Variants in PCIF1 observed in about 807,000 individuals in gnomAD.
The protein encoded by PCIF1 is mRNA (2'-O-methyladenosine-N(6)-)-methyltransferase.
In PCIF1, 12 loss-of-function variants were observed where a neutral mutation model predicts 86.9. The observed-to-expected ratio is 0.14, with a 90% CI of 0.09 to 0.22. The LOEUF is 0.22. Ranked by LOEUF, PCIF1 falls within the 10% of genes least tolerant of loss-of-function variation. The pLI is 1.00. For missense variants in PCIF1, 701 were observed against 951.1 expected (o/e 0.74, Z 3.46); for synonymous variants, 397 against 372.0 (o/e 1.07, Z -0.77).
Position 45,945,837 on chromosome 20 carries a change from A to G in PCIF1, c.1295A>G (p.Tyr432Cys), listed in dbSNP as rs775372767. 3.7e-6 allele frequency: 6 copies of G among 1,613,822 alleles called. No homozygotes were observed. The East Asian group carries it at 6.7e-5, about 18-fold the overall frequency. Residue 432 changes from tyrosine (Y) to cysteine (C), a missense_variant, in exon 12 of 17, where the codon TAT (tyrosine) becomes TGT (cysteine). By Grantham distance (194) the Tyr-to-Cys change is radical. Around this residue, in one of 7 missense-constraint regions of PCIF1, gnomAD observed 121 missense variants for 131.7 expected, o/e 0.92. Coordinates refer to ENST00000372409, the MANE Select transcript of PCIF1 (RefSeq NM_022104.4). The stretch of plus-strand genomic sequence containing the variant: ...GAGAACAACGTGGTCTGCATCCGGT[A>G]TAAGGGAGAGATGGTCAAGGTCAGC... Reference protein sequence around the residue: ...HMENNVVCIRYKGEMVKVSRN... With the variant: ...HMENNVVCIRCKGEMVKVSRN...
chr20:45,945,677 G>A, intron 11 of PCIF1, 34 bp from the exon 12 acceptor site: 2 of 1,602,214 alleles, frequency 1.2e-6, no homozygotes, highest in South Asian at 1.1e-5. Flanking sequence ...TGAGAATGAG[G>A]AGTGTGGTCC....
chr20:45,947,281 C>T lies in PCIF1; in HGVS notation c.1726C>T (p.Pro576Ser), dbSNP rs1310856748. The change falls in exon 16 of 17, where the codon CCG (proline) becomes TCG (serine). Residue 576 changes from proline (P) to serine (S), a missense_variant. By Grantham distance (74) the Pro-to-Ser change is moderately conservative (BLOSUM62 -1). This residue lies in a region of PCIF1 where 174 missense variants were observed against 206.9 expected (regional missense o/e 0.84). Transcript: ENST00000372409. This position sits in a 1 kb window ranked among gnomAD's most constrained non-coding sequence, Gnocchi z 5.4. ...TCCACAGAGACTGCTTGAGAGCTCACCGGAGCCCCTGTCCTTCATCGTGTT... is the reference window on the plus strand; with the variant it reads ...TCCACAGAGACTGCTTGAGAGCTCATCGGAGCCCCTGTCCTTCATCGTGTT... ...SHFERLLESS[P>S]EPLSFIVFIP... 6.2e-7 allele frequency: 1 copy of T among 1,613,114 alleles called. No homozygotes were observed. The highest frequency in any genetic ancestry group is 8.5e-7 in the Non-Finnish European group (1 of 1,179,276).
chr20:45,942,278 CTT>C (rs764329042), intron 7 of PCIF1, among the ~76,000 whole-genome samples: 39 of 118,124 alleles, frequency 3.3e-4, no homozygotes, highest in South Asian at 5.7e-4. Context: ...CCGGCCCACC[CTT>C]TTTTTTTTTT....
chr20:45,940,548 A>G lies in PCIF1; in HGVS notation c.323A>G (p.Asn108Ser). ...SSLVETPPAE[N>S]KPRKRQLSEE... ...TTGGTGGAAACTCCCCCGGCTGAGA[A>G]CAAGCCCAGAAAGCGGCAGCTCTCG... Residue 108 changes from asparagine to serine, a missense_variant, in exon 5 of 17, where the codon AAC (asparagine) becomes AGC (serine). Coordinates refer to ENST00000372409, the MANE Select transcript of PCIF1 (RefSeq NM_022104.4). The G allele has an allele frequency of 6.2e-7, 1 of 1,609,178 alleles. No homozygotes were observed. Among genetic ancestry groups the G allele is most frequent in the Non-Finnish European group, 8.5e-7 (1 of 1,177,628 alleles).
rs1403402712 is a variant in PCIF1 at position 45,947,615 on chromosome 20, C to T, written c.1975C>T (p.Arg659Trp). The T allele has an allele frequency of 5.6e-6, 9 of 1,612,806 alleles. No homozygotes were observed. The highest frequency in any genetic ancestry group is 7.6e-6 in the Non-Finnish European group (9 of 1,180,022). ...TGCCAAGTGGGCGCCGACGCCTGAACGGCTGCAGGAGCTGAGTGCTGCCTA... is the reference window on the plus strand; with the variant it reads ...TGCCAAGTGGGCGCCGACGCCTGAATGGCTGCAGGAGCTGAGTGCTGCCTA... Reference protein sequence around the residue: ...GFAKWAPTPERLQELSAAYRQ... With the variant: ...GFAKWAPTPEWLQELSAAYRQ... Residue 659 changes from arginine (R) to tryptophan (W), a missense_variant, in exon 17 of 17, where the codon CGG becomes TGG. Physicochemically the swap from Arg to Trp is moderately radical, Grantham distance 101. Transcript: ENST00000372409. This position sits in a 1 kb window ranked among gnomAD's most constrained non-coding sequence, Gnocchi z 5.4.
intron 7 of PCIF1, among the ~76,000 whole-genome samples, chr20:45,942,542 T>C (rs2083481720): frequency 6.6e-6 from 1 of 151,602 alleles, no homozygotes; most frequent in South Asian, 2.1e-4. Context: ...CTCTAACTCC[T>C]GACCTCAGGT....
chr20:45,946,224 G>A lies in PCIF1; in HGVS notation c.1453G>A (p.Glu485Lys), dbSNP rs11551743. The A allele has an allele frequency of 1.2e-6, 2 of 1,614,070 alleles. No individual in the cohort carries two copies. The highest frequency in any genetic ancestry group is 2.2e-5 in the East Asian group (1 of 44,898). ...GATGATGTTCGGCGTGGGCCTCTAC[G>A]AGGGGACTGGCCTGCAGGGATCGCT... Reference protein sequence around the residue: ...YQMMFGVGLYEGTGLQGSLPV... With the variant: ...YQMMFGVGLYKGTGLQGSLPV... The change falls in exon 14 of 17, where the codon GAG becomes AAG. Residue 485 changes from glutamate (E) to lysine (K), a missense_variant. Glu to Lys is a moderately conservative substitution (Grantham distance 56). Coordinates refer to ENST00000372409, the MANE Select transcript of PCIF1 (RefSeq NM_022104.4).
At chr20:45,937,636 C>G (rs898982380) in intron 2 of PCIF1, 51 bp downstream of exon 2, 2 of 398,562 alleles carry the variant, frequency 5.0e-6, no homozygotes, top group African/African-American at 4.1e-5. Context: ...TGCTCAGCCC[C>G]CAAGGCATCA....
intron 1 of PCIF1, among the ~76,000 whole-genome samples, chr20:45,936,657 G>A (rs1015530151): frequency 2.0e-5 from 3 of 151,640 alleles, no homozygotes; most frequent in Admixed American, 6.6e-5. Context: ...TGGGCCCGGC[G>A]CAGTGGCTCA....
Position 45,937,431 on chromosome 20 carries a change from G to A in PCIF1, c.-174G>A. 2.5e-6 allele frequency: 1 copy of A among 399,286 alleles called. No homozygotes were observed. Among genetic ancestry groups the A allele is most frequent in the Non-Finnish European group, 4.4e-6 (1 of 226,286 alleles). 24.7% of individuals were successfully genotyped at this position (399,286 alleles called of 1,614,324 possible). A position where few individuals can be genotyped will look rare whatever the true frequency, so the allele number is the denominator to read the frequency against. On this transcript the variant is annotated 5_prime_UTR_variant, in exon 2 of 17. Transcript: ENST00000372409. The stretch of plus-strand genomic sequence containing the variant: ...TTTGCTTTCCAGCTGCTGATGCAAG[G>A]AATCCCCTGGGCTCCCGTCCACTCC...
chr20:45,935,174 G>C (rs1294214155), intron 1 of PCIF1, among the ~76,000 whole-genome samples: 2 of 151,148 alleles, frequency 1.3e-5, no homozygotes, highest in East Asian at 3.9e-4. Context: ...ACCCTCGCTG[G>C]GGTAGGGGGA....
At chr20:45,944,421 C>T (rs1051234261) in intron 10 of PCIF1, among the ~76,000 whole-genome samples, 1 of 152,186 alleles carries the variant, frequency 6.6e-6, no homozygotes, top group Non-Finnish European at 1.5e-5. Context: ...TTGCAAGTAG[C>T]TAAAAGCTCA....
At chr20:45,937,719 T>C in intron 2 of PCIF1, 134 bp downstream of exon 2, 3 of 397,568 alleles carry the variant, frequency 7.5e-6, no homozygotes, top group Non-Finnish European at 1.3e-5. Flanking sequence ...CTCAACCTTT[T>C]TGTTATCAAG....
In PCIF1 at chr20:45,946,399, C is replaced by T. The variant is rs1225461978; in HGVS notation, c.1613+15C>T. On this transcript the variant is annotated intron_variant, in intron 14 of 16. Coordinates refer to ENST00000372409, the MANE Select transcript of PCIF1 (RefSeq NM_022104.4). ...GGCTCCCGCGGGTGAGGGCCAAGGG[C>T]TGCCCCTCTACCCAGGCCAGGGAAG... The T allele has an allele frequency of 6.2e-7, 1 of 1,610,776 alleles. No homozygotes were observed. Among genetic ancestry groups the T allele is most frequent in the South Asian group, 1.1e-5 (1 of 91,038 alleles).
At chr20:45,942,550 G>A (rs2083481817) in intron 7 of PCIF1, among the ~76,000 whole-genome samples, 1 of 149,956 alleles carries the variant, frequency 6.7e-6, no homozygotes, top group South Asian at 2.1e-4. Context: ...CCTGACCTCA[G>A]GTGATCCACC....
rs141779189 is a variant in PCIF1 at position 45,939,609 on chromosome 20, G to A, written c.249+270G>A. ...CAAGGCAGACTTGCTCCCTACGGTC[G>A]CAGAGCACCCATGGGCTGCCAGGTG... On this transcript the variant is annotated intron_variant, in intron 4 of 16. Coordinates refer to ENST00000372409, the MANE Select transcript of PCIF1 (RefSeq NM_022104.4). Among the ~76,000 whole-genome samples the A allele has an allele frequency of 1.2e-3, 184 of 152,350 alleles. 1 individual carries two copies. The South Asian group carries it at 0.013, about 11-fold the overall frequency.
chr20:45,945,380 G>A (rs566488159), intron 11 of PCIF1, among the ~76,000 whole-genome samples: 2 of 151,624 alleles, frequency 1.3e-5, no homozygotes, highest in South Asian at 2.1e-4. Flanking sequence ...ATAAAGGATC[G>A]TCGCTATTAC....
chr20:45,941,352 C>A, intron 7 of PCIF1, 145 bp downstream of exon 7: 1 of 931,506 alleles, frequency 1.1e-6, no homozygotes, highest in Non-Finnish European at 1.6e-6. Flanking sequence ...AGTGACAGAG[C>A]AAGACCCTCT....
intron 1 of PCIF1, among the ~76,000 whole-genome samples, chr20:45,935,921 G>T (rs1600498301): frequency 1.3e-5 from 2 of 151,980 alleles, no homozygotes; most frequent in South Asian, 4.1e-4. Context: ...AAGCTGTGCC[G>T]CTTGTGCGTA....
Sources: gnomAD v4.1 joint callset for allele counts (sites outside exome capture counted in the v4.1 genomes callset) on GRCh38, gnomAD v4.1.1 for gene constraint, gnomAD v4.1.1 regional missense constraint, Gnocchi (gnomAD v3.1) non-coding constraint, MANE v1.5 for transcripts, NCBI Gene and HGNC (gene_info 2026-07-23, HGNC 2026-07-21) for gene names.